Variants in PLIN3 observed in about 807,000 individuals in gnomAD.
PLIN3 encodes the protein perilipin 3, also known as perilipin-3.
A neutral mutation model predicts 35.9 loss-of-function variants in PLIN3; 30 were observed. The ratio of observed to expected loss-of-function variants is 0.84; its 90% CI spans 0.62 to 1.13. PLIN3 has a LOEUF of 1.13. Among genes scored for constraint, PLIN3 ranks in the 50% most tolerant of loss-of-function variants. PLIN3 has a pLI of 0.00. For synonymous variants in PLIN3, 261 were observed against 262.5 expected (o/e 0.99, Z 0.06); for missense variants, 603 against 596.9 (o/e 1.01, Z -0.11).
At chr19:4,853,177 C>G (rs2030361383) in intron 4 of PLIN3, among the ~76,000 whole-genome samples, 3 of 151,370 alleles carry the variant, frequency 2.0e-5, no homozygotes, top group Admixed American at 6.6e-5. Flanking sequence ...CTCTGTCACC[C>G]AGGTGGAGTG....
Position 4,839,191 on chromosome 19 carries a change from C to G in PLIN3, c.*1G>C, listed in dbSNP as rs747726786. 2 of 1,598,206 alleles carry G rather than the reference C, an allele frequency of 1.3e-6. No homozygotes were observed. The highest frequency in any genetic ancestry group is 2.2e-5 in the East Asian group (1 of 44,518). On this transcript the variant is annotated 3_prime_UTR_variant, in exon 8 of 8. Coordinates refer to ENST00000221957, the MANE Select transcript of PLIN3 (RefSeq NM_005817.5). ...GGCCCGCTGAGTCCTCTCCTCTCCC[C>G]CTACTTCTTCTCCTCCGGGGCTTTC...
chr19:4,839,812 C>T (rs934459513), intron 7 of PLIN3, among the ~76,000 whole-genome samples: 9 of 151,210 alleles, frequency 6.0e-5, no homozygotes, highest in African/African-American at 2.2e-4. Context: ...ACTACAGGCG[C>T]CCACCACCAC....
chr19:4,839,960 C>A (rs1040785964), intron 7 of PLIN3, among the ~76,000 whole-genome samples: 1 of 148,054 alleles, frequency 6.8e-6, no homozygotes, highest in East Asian at 2.0e-4. Context: ...CCACCGTGCC[C>A]GGCCCTTTTT....
At chr19:4,853,984 G>A (rs1400149378) in intron 4 of PLIN3, among the ~76,000 whole-genome samples, 1 of 149,976 alleles carries the variant, frequency 6.7e-6, no homozygotes, top group African/African-American at 2.5e-5. Context: ...TCAGGCTGGA[G>A]TGCAGTGGTG....
chr19:4,865,049 G>C (rs182853358), intron 1 of PLIN3, among the ~76,000 whole-genome samples: 2 of 152,112 alleles, frequency 1.3e-5, no homozygotes, highest in East Asian at 3.9e-4. Context: ...AATTAGGTGC[G>C]GGTGTGGTGG....
At chr19:4,847,942 C>G in intron 5 of PLIN3, 52 bp from the exon 6 acceptor site, 1 of 1,325,392 alleles carries the variant, frequency 7.5e-7, no homozygotes, top group Non-Finnish European at 1.1e-6. Flanking sequence ...CACAGCTGGG[C>G]TCGTCCCATG....
chr19:4,842,186 G>T (rs1016760336), intron 7 of PLIN3, among the ~76,000 whole-genome samples: 1 of 151,902 alleles, frequency 6.6e-6, no homozygotes, highest in Non-Finnish European at 1.5e-5. Context: ...CAGCACTTTG[G>T]GGGGCCAAGA....
chr19:4,858,641 C>G (rs1250991775), intron 4 of PLIN3, among the ~76,000 whole-genome samples: 2 of 150,854 alleles, frequency 1.3e-5, no homozygotes, highest in African/African-American at 4.9e-5. Context: ...CTCAGCCTCC[C>G]AAAGTACTGG....
intron 4 of PLIN3, among the ~76,000 whole-genome samples, chr19:4,853,177 C>T (rs2030361383): frequency 6.6e-6 from 1 of 151,370 alleles, no homozygotes; most frequent in African/African-American, 2.4e-5. Flanking sequence ...CTCTGTCACC[C>T]AGGTGGAGTG....
chr19:4,845,706 C>T (rs891497764), intron 6 of PLIN3, among the ~76,000 whole-genome samples: 5 of 143,544 alleles, frequency 3.5e-5, no homozygotes, highest in East Asian at 2.1e-4. Context: ...GGGTGGATCA[C>T]GAGGTGAGGA....
Position 4,847,899 on chromosome 19 carries a change from A to C in PLIN3, c.635-9T>G. On this transcript the variant is annotated splice_polypyrimidine_tract_variant and intron_variant, in intron 5 of 7. Transcript: ENST00000221957. ...GGATGTGGCGATGCGGGCTGCAAGG[A>C]AAAGGAGAAGGGTCTCTGTGAAGAC... The C allele has an allele frequency of 2.5e-6, 4 of 1,609,398 alleles. No homozygotes were observed. The highest frequency in any genetic ancestry group is 3.4e-6 in the Non-Finnish European group (4 of 1,177,004).
At chr19:4,843,115 G>C (rs1311644041) in intron 7 of PLIN3, among the ~76,000 whole-genome samples, 1 of 152,026 alleles carries the variant, frequency 6.6e-6, no homozygotes, top group African/African-American at 2.4e-5. Flanking sequence ...CCATCTACTG[G>C]GGAGGTGGAG....
chr19:4,854,745 A>G (rs2030417998), intron 4 of PLIN3, among the ~76,000 whole-genome samples: 1 of 152,012 alleles, frequency 6.6e-6, no homozygotes, highest in South Asian at 2.1e-4. Context: ...ACCTGGGGAA[A>G]GTTACCTCTT....
intron 7 of PLIN3, among the ~76,000 whole-genome samples, chr19:4,841,110 C>T (rs769637255): frequency 2.0e-5 from 3 of 152,150 alleles, no homozygotes; most frequent in South Asian, 2.1e-4. Flanking sequence ...TCATATGACT[C>T]GGCAATTCTA....
At chr19:4,860,461 C>A (rs755497710) in intron 2 of PLIN3, among the ~76,000 whole-genome samples, 110 of 152,010 alleles carry the variant, frequency 7.2e-4, no homozygotes, top group Admixed American at 1.3e-3. Context: ...CCTCAGCCTC[C>A]CAAAGTGCTG....
At chr19:4,865,300 C>G (rs1396147377) in intron 1 of PLIN3, among the ~76,000 whole-genome samples, 2 of 151,846 alleles carry the variant, frequency 1.3e-5, no homozygotes, top group African/African-American at 4.8e-5. Flanking sequence ...ACCAGCCTGA[C>G]CAACATGGTG....
intron 6 of PLIN3, among the ~76,000 whole-genome samples, chr19:4,845,340 C>A (rs1328868329): frequency 1.3e-5 from 2 of 151,762 alleles, no homozygotes; most frequent in Admixed American, 6.6e-5. Context: ...GCACGAGAAT[C>A]GCTTGAACCT....
Position 4,859,689 on chromosome 19 carries a change from A to G in PLIN3, c.266-17T>C. 1 of 1,613,664 alleles carries G rather than the reference A, an allele frequency of 6.2e-7. No individual in the cohort carries two copies. The highest frequency in any genetic ancestry group is 8.5e-7 in the Non-Finnish European group (1 of 1,179,554). ...CTGATGCAACTGCCAACAACAATTA[A>G]GACGCAAATGTGACTGCTGGAAGGT... is the stretch of plus-strand genomic sequence containing the variant. On this transcript the variant is annotated splice_polypyrimidine_tract_variant and intron_variant, in intron 3 of 7. Transcript: ENST00000221957.
At chr19:4,841,670 G>A (rs1487509124) in intron 7 of PLIN3, among the ~76,000 whole-genome samples, 2 of 151,318 alleles carry the variant, frequency 1.3e-5, no homozygotes, top group East Asian at 3.9e-4. Flanking sequence ...GGGAGGCCGA[G>A]GAGGGTGGAT....
Sources: gnomAD v4.1 joint callset for allele counts (sites outside exome capture counted in the v4.1 genomes callset) on GRCh38, gnomAD v4.1.1 for gene constraint, MANE v1.5 for transcripts, NCBI Gene and HGNC (gene_info 2026-07-23, HGNC 2026-07-21) for gene names.